CCDC88C: variants seen among roughly 807,000 people sequenced by gnomAD.
CCDC88C encodes the protein coiled-coil and HOOK domain protein 88C, also known as protein Daple.
Under a neutral mutation model 198.8 loss-of-function variants are expected in CCDC88C, and 131 were observed. The ratio of observed to expected loss-of-function variants is 0.66; its 90% CI spans 0.57 to 0.76. The LOEUF is 0.76. Ranked by LOEUF, CCDC88C falls within the 30% of genes least tolerant of loss-of-function variation. The pLI is 0.00. For missense variants in CCDC88C, 2,553 were observed against 2,631.6 expected (o/e 0.97, Z 0.65); for synonymous variants, 1,166 against 1,114.7 (o/e 1.05, Z -0.92).
rs140653842 is a variant in CCDC88C at position 91,367,738 on chromosome 14, G to A, written c.271-8027C>T. Among the ~76,000 whole-genome samples, 598 of 152,258 alleles carry A rather than the reference G, an allele frequency of 3.9e-3. 1 individual carries two copies. The highest frequency in any genetic ancestry group is 0.013 in the African/African-American group (550 of 41,544). ...GTCTGACACGTGAGGGACAGAGCCAGGAAATGTATTAACTGCTAAGTGTGG... is the reference window on the plus strand; with the variant it reads ...GTCTGACACGTGAGGGACAGAGCCAAGAAATGTATTAACTGCTAAGTGTGG... On this transcript the variant is annotated intron_variant, in intron 3 of 29. Transcript: ENST00000389857.
intron 3 of CCDC88C, among the ~76,000 whole-genome samples, chr14:91,398,563 T>A (rs1885984362): frequency 6.6e-6 from 1 of 151,868 alleles, no homozygotes; most frequent in Admixed American, 6.6e-5. Flanking sequence ...AGATTGAGGC[T>A]GGAGGATTGC....
At chr14:91,366,897 T>C (rs1894566920) in intron 3 of CCDC88C, among the ~76,000 whole-genome samples, 1 of 152,180 alleles carries the variant, frequency 6.6e-6, no homozygotes, top group African/African-American at 2.4e-5. Flanking sequence ...CAGGGCCATC[T>C]CAACCACTGT....
chr14:91,294,230 A>G lies in CCDC88C; in HGVS notation c.4055T>C (p.Leu1352Pro). 1 of 1,614,026 alleles carries G rather than the reference A, an allele frequency of 6.2e-7. No homozygotes were observed. ...IQLLSQQNQM[L>P]LEQNMENKEQ... ...CTTGTTCTCCATGTTCTGCTCCAGA[A>G]GCATCTGGTTCTGCTGGCTCAACAG... The change falls in exon 23 of 30, where the codon CTT becomes CCT. Residue 1352 changes from leucine to proline, a missense_variant. Around this residue, in one of 2 missense-constraint regions of CCDC88C, gnomAD observed 1,293 missense variants for 1,219.6 expected, o/e 1.06. Transcript: ENST00000389857.
intron 14 of CCDC88C, among the ~76,000 whole-genome samples, chr14:91,314,763 C>T (rs1261771794): frequency 1.3e-5 from 2 of 152,230 alleles, no homozygotes; most frequent in Non-Finnish European, 2.9e-5. Context: ...CTGGGCAGGG[C>T]CCTGTCCGTC....
intron 3 of CCDC88C, among the ~76,000 whole-genome samples, chr14:91,406,152 A>C (rs748910203): frequency 2.6e-4 from 40 of 152,228 alleles, no homozygotes; most frequent in Non-Finnish European, 8.8e-5. Flanking sequence ...ACTGCTTCTC[A>C]AACCCACACA....
chr14:91,298,296 C>T (rs1315516429), intron 21 of CCDC88C, among the ~76,000 whole-genome samples: 1 of 152,034 alleles, frequency 6.6e-6, no homozygotes, highest in African/African-American at 2.4e-5. Context: ...TTGCCGGGAA[C>T]CCGGGAGGCG....
At chr14:91,326,090 A>G in intron 10 of CCDC88C, 34 bp from the exon 11 acceptor site, 1 of 1,592,962 alleles carries the variant, frequency 6.3e-7, no homozygotes, top group African/African-American at 1.3e-5. Context: ...GAACCATCAG[A>G]TAAAGGCACC....
intron 22 of CCDC88C, 150 bp downstream of exon 22, chr14:91,297,155 G>T: frequency 2.5e-6 from 2 of 784,822 alleles, no homozygotes; most frequent in Non-Finnish European, 4.0e-6. Flanking sequence ...CAGCACCTCT[G>T]GCTTCACCGC....
At chr14:91,290,009 G>A (rs1483680005) in intron 24 of CCDC88C, among the ~76,000 whole-genome samples, 1 of 152,048 alleles carries the variant, frequency 6.6e-6, no homozygotes, top group Non-Finnish European at 1.5e-5. Context: ...GGTGGCTCAC[G>A]CCTGTAACCC....
In CCDC88C at chr14:91,300,033, C is replaced by A; in HGVS notation, c.3673G>T (p.Glu1225Ter). ...TCAGTGGTCAAGACCTTCTCCCGCT[C>A]CTCCAGCTCCGCCTTGCGCTTCAGC... is the stretch of plus-strand genomic sequence containing the variant. ...DMLKRKAELE[E>*]REKVLTTERE... Residue 1225 changes from glutamate to a stop codon, truncating the protein, a stop_gained, in exon 21 of 30, where the codon GAG becomes TAG. Coordinates refer to ENST00000389857, the MANE Select transcript of CCDC88C (RefSeq NM_001080414.4). LOFTEE classifies it high-confidence loss of function. The A allele has an allele frequency of 6.2e-7, 1 of 1,606,836 alleles. No individual in the cohort carries two copies. Among genetic ancestry groups the A allele is most frequent in the Non-Finnish European group, 8.5e-7 (1 of 1,176,988 alleles).
At chr14:91,394,584 G>A (rs1282217150) in intron 3 of CCDC88C, among the ~76,000 whole-genome samples, 5 of 152,200 alleles carry the variant, frequency 3.3e-5, no homozygotes, top group African/African-American at 9.7e-5. Flanking sequence ...GGTGGCCTCC[G>A]TTGTTATGTA....
Position 91,273,689 on chromosome 14 carries a change from G to A in CCDC88C, c.5059-36C>T, listed in dbSNP as rs74474131. Reference sequence around the variant, plus strand: ...GAGAGTGAAGGTTGGAGGTGGGCATGAGGGTTGGGTGGGTCCTTGGAGCCG... The same window carrying A: ...GAGAGTGAAGGTTGGAGGTGGGCATAAGGGTTGGGTGGGTCCTTGGAGCCG... On this transcript the variant is annotated intron_variant, in intron 29 of 29. Coordinates refer to ENST00000389857, the MANE Select transcript of CCDC88C (RefSeq NM_001080414.4). The surrounding 1 kb of genome is among the most constrained non-coding windows in gnomAD (Gnocchi z 5.6). 7.0e-4 allele frequency: 998 copies of A among 1,434,558 alleles called. No homozygotes were observed. Among genetic ancestry groups the A allele is most frequent in the Non-Finnish European group, 8.1e-4 (887 of 1,090,266 alleles). The allele number at this position is 1,434,558 out of a possible 1,614,324, so 88.9% of individuals were successfully genotyped here.
At chr14:91,403,869 T>C (rs1886343859) in intron 3 of CCDC88C, among the ~76,000 whole-genome samples, 2 of 151,888 alleles carry the variant, frequency 1.3e-5, no homozygotes, top group Admixed American at 6.6e-5. Context: ...GAGGGGGAGG[T>C]TGCAGTGAGC....
chr14:91,276,157 G>A (rs1567044957), intron 29 of CCDC88C, among the ~76,000 whole-genome samples: 1 of 152,164 alleles, frequency 6.6e-6, no homozygotes, highest in Non-Finnish European at 1.5e-5. Context: ...CTACCCAGCC[G>A]CAAGACCATT....
chr14:91,389,605 C>T (rs561161431), intron 3 of CCDC88C, among the ~76,000 whole-genome samples: 11 of 151,910 alleles, frequency 7.2e-5, no homozygotes, highest in African/African-American at 2.4e-4. Flanking sequence ...TTTGGCTGGG[C>T]GTGGTGGCTC....
chr14:91,361,259 T>C (rs192718296), intron 3 of CCDC88C, among the ~76,000 whole-genome samples: 1 of 152,304 alleles, frequency 6.6e-6, no homozygotes, highest in East Asian at 1.9e-4. Context: ...AAAATGTGTT[T>C]CTGTTAAGAC....
intron 26 of CCDC88C, among the ~76,000 whole-genome samples, chr14:91,282,305 A>G (rs1366023920): frequency 6.6e-6 from 1 of 152,120 alleles, no homozygotes; most frequent in South Asian, 2.1e-4. Context: ...TATTTATGCA[A>G]ATTAACCCCT....
In CCDC88C at chr14:91,338,184, G is replaced by A. The variant is rs774023002; in HGVS notation, c.892-21C>T. 1.9e-6 allele frequency: 3 copies of A among 1,612,132 alleles called. No individual in the cohort carries two copies. The highest frequency in any genetic ancestry group is 2.5e-6 in the Non-Finnish European group (3 of 1,178,730). ...ATGTTCTGCAAGGTGGACAAAGGCA[G>A]GAGAACCTAGCTTAGGGCATCCTCT... is the stretch of plus-strand genomic sequence containing the variant. On this transcript the variant is annotated intron_variant, in intron 9 of 29. Coordinates refer to ENST00000389857, the MANE Select transcript of CCDC88C (RefSeq NM_001080414.4). The surrounding 1 kb of genome is among the most constrained non-coding windows in gnomAD (Gnocchi z 4.8).
intron 4 of CCDC88C, among the ~76,000 whole-genome samples, chr14:91,348,362 G>A (rs1893640382): frequency 6.6e-6 from 1 of 150,982 alleles, no homozygotes; most frequent in African/African-American, 2.4e-5. Flanking sequence ...GCCTGGTGGT[G>A]CACTATTTGG....
Sources: allele counts gnomAD v4.1 joint callset (sites outside exome capture counted in the v4.1 genomes callset), GRCh38; gene constraint gnomAD v4.1.1; regional missense constraint gnomAD v4.1.1; non-coding constraint Gnocchi (gnomAD v3.1); transcripts MANE v1.5; gene names NCBI Gene and HGNC (gene_info 2026-07-23, HGNC 2026-07-21).